Variants in GNB4 observed in about 807,000 individuals in gnomAD.
The protein encoded by GNB4 is guanine nucleotide-binding protein subunit beta-4.
In GNB4, 28 loss-of-function variants were observed where a neutral mutation model predicts 45.2. That is an observed-to-expected ratio of 0.62 (90% CI 0.46 to 0.85). The LOEUF (loss-of-function observed/expected upper bound fraction) is 0.85. Among genes scored for constraint, GNB4 ranks in the 40% least tolerant of loss-of-function variants. The pLI, the probability that GNB4 is intolerant of heterozygous loss-of-function variation, is 0.00. For missense variants in GNB4, 321 were observed against 425.4 expected, an observed-to-expected ratio of 0.75 and a Z score of 2.16; for synonymous variants, 132 against 143.7, an observed-to-expected ratio of 0.92 and a Z score of 0.58.
chr3:179,482,086 AG>A, the GNB4 span, among the ~76,000 whole-genome samples: 2 of 152,178 alleles, frequency 1.3e-5, no homozygotes, highest in Non-Finnish European at 2.9e-5. Flanking sequence ...TGTTTTTTGT[AG>A]AGACGGGGTT....
chr3:179,507,857 G>C, the GNB4 span, among the ~76,000 whole-genome samples: 5 of 152,190 alleles, frequency 3.3e-5, no homozygotes, highest in Non-Finnish European at 5.9e-5. Flanking sequence ...CACAGATCAT[G>C]TCTTGTTCAT....
At chr3:179,419,369 TA>T in intron 4 of GNB4, 29 bp downstream of exon 4, 1 of 1,257,618 alleles carries the variant, frequency 8.0e-7, no homozygotes, top group East Asian at 2.3e-5. Flanking sequence ...TGCAACAGTT[TA>T]AAAATGACAG....
intron 1 of GNB4, among the ~76,000 whole-genome samples, chr3:179,429,249 A>C (rs535751758): frequency 1.3e-5 from 2 of 152,370 alleles, no homozygotes; most frequent in Non-Finnish European, 2.9e-5. Flanking sequence ...TAAAACCCCC[A>C]AGCTCAGTGT....
chr3:179,462,438 A>C, the GNB4 span, among the ~76,000 whole-genome samples: 3 of 152,228 alleles, frequency 2.0e-5, no homozygotes, highest in African/African-American at 7.2e-5. Context: ...AACATGAGCT[A>C]TGAGGTTAGA....
At chr3:179,438,422 G>C (rs1309568366) in intron 1 of GNB4, among the ~76,000 whole-genome samples, 1 of 152,140 alleles carries the variant, frequency 6.6e-6, no homozygotes, top group Non-Finnish European at 1.5e-5. Flanking sequence ...CTATGGGATT[G>C]TTTTGGGAAT....
chr3:179,473,674 C>T, the GNB4 span, among the ~76,000 whole-genome samples: 1 of 152,078 alleles, frequency 6.6e-6, no homozygotes, highest in Non-Finnish European at 1.5e-5. Context: ...TCCAACAGAC[C>T]GTTCTGTTTC....
chr3:179,462,522 A>C, the GNB4 span, among the ~76,000 whole-genome samples: 1 of 152,118 alleles, frequency 6.6e-6, no homozygotes, highest in Non-Finnish European at 1.5e-5. Context: ...ACTTTTCTGA[A>C]CTTCTTTTTT....
chr3:179,471,178 C>CA, the GNB4 span, among the ~76,000 whole-genome samples: 774 of 132,244 alleles, frequency 5.9e-3, 4 homozygotes, highest in South Asian at 8.8e-3. Flanking sequence ...GACTCCGTCT[C>CA]AAAAAAAAAA....
Position 179,448,224 on chromosome 3 carries a change from C to T in GNB4, c.-43+3122G>A, listed in dbSNP as rs1021551442. Among the ~76,000 whole-genome samples the T allele has an allele frequency of 2.0e-5, 3 of 152,178 alleles. No individual in the cohort carries two copies. In the South Asian group the frequency reaches 6.2e-4, roughly 31 times the overall value. On this transcript the variant is annotated intron_variant, in intron 1 of 9. Transcript: ENST00000232564. ...GTTTTATTTTTAACTTTTCATTTCT[C>T]CCAGTGCTGGGATTACAGGTGTGAG...
chr3:179,521,701 A>G, the GNB4 span, among the ~76,000 whole-genome samples: 4 of 152,174 alleles, frequency 2.6e-5, no homozygotes, highest in Admixed American at 2.6e-4. Context: ...CTTTGCTGGC[A>G]GGGCTATGCT....
the GNB4 span, among the ~76,000 whole-genome samples, chr3:179,508,928 ATG>A: frequency 2.7e-3 from 280 of 101,936 alleles, 8 homozygotes; most frequent in South Asian, 0.022. Context: ...CTCTTTCAGC[ATG>A]TGTATATATA....
the GNB4 span, among the ~76,000 whole-genome samples, chr3:179,519,025 C>G: frequency 6.6e-6 from 1 of 152,192 alleles, no homozygotes; most frequent in African/African-American, 2.4e-5. Flanking sequence ...CAATTCCTTG[C>G]CCCCACTGTG....
chr3:179,507,883 T>C, the GNB4 span, among the ~76,000 whole-genome samples: 3 of 152,200 alleles, frequency 2.0e-5, no homozygotes, highest in African/African-American at 7.2e-5. Context: ...GATTGGCACA[T>C]AGTTAATGCA....
chr3:179,515,959 T>G, the GNB4 span, among the ~76,000 whole-genome samples: 2 of 152,168 alleles, frequency 1.3e-5, no homozygotes, highest in Non-Finnish European at 2.9e-5. Flanking sequence ...CAGTTTTGTA[T>G]GAATTGAGAA....
the GNB4 span, among the ~76,000 whole-genome samples, chr3:179,526,904 C>T: frequency 6.6e-6 from 1 of 152,142 alleles, no homozygotes; most frequent in African/African-American, 2.4e-5. Context: ...TTAACAGCAA[C>T]AAAAATTAAT....
chr3:179,449,853 T>C (rs562303369), intron 1 of GNB4, among the ~76,000 whole-genome samples: 1 of 152,346 alleles, frequency 6.6e-6, no homozygotes, highest in African/African-American at 2.4e-5. Context: ...GTCCAACACT[T>C]AGTTCCAATT....
At chr3:179,523,010 AG>A in the GNB4 span, among the ~76,000 whole-genome samples, 1 of 151,890 alleles carries the variant, frequency 6.6e-6, no homozygotes, top group Non-Finnish European at 1.5e-5. Context: ...GAGTGGTGAA[AG>A]GATTTAGGAT....
At chr3:179,494,545 A>G in the GNB4 span, among the ~76,000 whole-genome samples, 2 of 151,604 alleles carry the variant, frequency 1.3e-5, no homozygotes, top group African/African-American at 4.9e-5. Flanking sequence ...TGAACAAAAG[A>G]AAGAGAGAGA....
rs150671913 is a variant in GNB4, at chr3:179,402,323, A to G, written c.917-1004T>C. ...CAAAGCAAAACTAAACCTCAAGCATATAAGTGTGGACAACAAGCACATTTT... is the reference window on the plus strand; with the variant it reads ...CAAAGCAAAACTAAACCTCAAGCATGTAAGTGTGGACAACAAGCACATTTT... On this transcript the variant is annotated intron_variant, in intron 9 of 9. Coordinates refer to ENST00000232564, the MANE Select transcript of GNB4 (RefSeq NM_021629.4). 1.6e-4 allele frequency among the ~76,000 whole-genome samples: 24 copies of G among 152,348 alleles called. 2 individuals carry two copies. Among genetic ancestry groups the G allele is most frequent in the South Asian group, 4.1e-4 (2 of 4,830 alleles).
Sources: gnomAD v4.1 joint callset for allele counts (sites outside exome capture counted in the v4.1 genomes callset) on GRCh38, gnomAD v4.1.1 for gene constraint, MANE v1.5 for transcripts, NCBI Gene and HGNC (gene_info 2026-07-23, HGNC 2026-07-21) for gene names.